TSGA10: variants seen among roughly 807,000 people sequenced by gnomAD.
TSGA10 encodes the protein testis-specific gene 10 protein.
TSGA10 carries 43 observed loss-of-function variants against 96.6 expected under a neutral mutation model. The ratio of observed to expected loss-of-function variants is 0.44; its 90% CI spans 0.35 to 0.57. The LOEUF (loss-of-function observed/expected upper bound fraction) is 0.57. TSGA10 is among the 20% of genes least tolerant of loss of function. TSGA10 has a pLI of 0.01. For missense variants in TSGA10, 703 were observed against 834.4 expected (o/e 0.84, Z 1.94); for synonymous variants, 229 against 269.9 (o/e 0.85, Z 1.48).
intron 20 of TSGA10, among the ~76,000 whole-genome samples, chr2:99,012,346 T>C (rs1351850999): frequency 6.6e-6 from 1 of 152,118 alleles, no homozygotes; most frequent in African/African-American, 2.4e-5. Context: ...ATACTAATGT[T>C]GAATGTAAAG....
chr2:99,146,667 C>T (rs144028490), intron 1 of TSGA10, among the ~76,000 whole-genome samples: 5 of 152,232 alleles, frequency 3.3e-5, no homozygotes, highest in African/African-American at 7.2e-5. Flanking sequence ...CTTGCTCTGT[C>T]GCCCAGGCTG....
At chr2:99,013,846 T>C (rs2079236954) in intron 20 of TSGA10, among the ~76,000 whole-genome samples, 1 of 149,708 alleles carries the variant, frequency 6.7e-6, no homozygotes, top group African/African-American at 2.5e-5. Flanking sequence ...TGAAACCCTG[T>C]CTCTACTAAA....
At chr2:99,040,457 C>G (rs538530294) in intron 16 of TSGA10, among the ~76,000 whole-genome samples, 24 of 152,226 alleles carry the variant, frequency 1.6e-4, no homozygotes, top group African/African-American at 4.8e-4. Context: ...TATACACCAA[C>G]AGTGACCAAG....
At chr2:99,100,776 T>A (rs984914236) in intron 10 of TSGA10, among the ~76,000 whole-genome samples, 7 of 133,164 alleles carry the variant, frequency 5.3e-5, no homozygotes, top group Non-Finnish European at 6.2e-5. Flanking sequence ...GCCGAGATTG[T>A]GCCACTGCAC....
chr2:99,154,635 T>C, intron 1 of TSGA10, 58 bp downstream of exon 1: 2 of 185,548 alleles, frequency 1.1e-5, no homozygotes, highest in Non-Finnish European at 2.3e-5. Context: ...TTCTGGGGGC[T>C]CCCCCTAAAC....
intron 17 of TSGA10, among the ~76,000 whole-genome samples, chr2:99,022,182 C>T (rs1446194001): frequency 1.3e-5 from 2 of 151,822 alleles, no homozygotes; most frequent in African/African-American, 4.8e-5. Flanking sequence ...AAAAACTTAG[C>T]CAGGCATGGT....
intron 17 of TSGA10, among the ~76,000 whole-genome samples, chr2:99,027,407 A>G (rs900445065): frequency 2.0e-5 from 3 of 152,178 alleles, no homozygotes; most frequent in Non-Finnish European, 4.4e-5. Flanking sequence ...GAGAAAGGGG[A>G]GATGTTGATC....
intron 14 of TSGA10, among the ~76,000 whole-genome samples, chr2:99,069,996 C>T (rs2085740594): frequency 6.6e-6 from 1 of 151,860 alleles, no homozygotes; most frequent in African/African-American, 2.4e-5. Flanking sequence ...TTTAAGTTTC[C>T]ACTTTCTCGT....
intron 1 of TSGA10, among the ~76,000 whole-genome samples, chr2:99,133,079 G>T (rs1259133594): frequency 2.6e-5 from 4 of 152,198 alleles, no homozygotes; most frequent in Non-Finnish European, 5.9e-5. Context: ...AGTTGGGGAA[G>T]AGAGTTCTGT....
At chr2:99,058,160 G>A (rs1001497331) in intron 16 of TSGA10, among the ~76,000 whole-genome samples, 2 of 152,152 alleles carry the variant, frequency 1.3e-5, no homozygotes, top group African/African-American at 4.8e-5. Context: ...AGGGTACAGT[G>A]ATTCTTTTCA....
chr2:99,063,843 T>C (rs1297164547), intron 16 of TSGA10, among the ~76,000 whole-genome samples: 1 of 151,704 alleles, frequency 6.6e-6, no homozygotes, highest in African/African-American at 2.4e-5. Flanking sequence ...AGCTATGCAA[T>C]AGAAAAATGG....
chr2:99,000,390 TCTCACCTACTCA>T, intron 20 of TSGA10, among the ~76,000 whole-genome samples: 1 of 150,678 alleles, frequency 6.6e-6, no homozygotes, highest in East Asian at 2.0e-4. Flanking sequence ...ACACCTGTAA[TCTCACCTACTCA>T]GGGAGGCTGA....
chr2:99,067,943 T>C (rs1387162583), intron 15 of TSGA10, among the ~76,000 whole-genome samples: 1 of 152,160 alleles, frequency 6.6e-6, no homozygotes, highest in Non-Finnish European at 1.5e-5. Context: ...TTTTAAATTA[T>C]CTCACTTACT....
At chr2:99,147,535 C>G in intron 1 of TSGA10, 1 of 1,547,274 alleles carries the variant, frequency 6.5e-7, no homozygotes, top group Non-Finnish European at 8.9e-7. Context: ...ATACTTGGTT[C>G]CTCCTCAGTC....
intron 16 of TSGA10, among the ~76,000 whole-genome samples, chr2:99,042,038 AC>A (rs1403526948): frequency 8.9e-6 from 1 of 112,266 alleles, no homozygotes; most frequent in African/African-American, 4.0e-5. Flanking sequence ...TTGCCCCCCC[AC>A]ATTTTTTTTT....
intron 20 of TSGA10, among the ~76,000 whole-genome samples, chr2:99,012,709 A>T (rs932564567): frequency 2.0e-5 from 3 of 152,180 alleles, no homozygotes; most frequent in African/African-American, 7.2e-5. Context: ...AGGAAATGAG[A>T]TGCACAGCAA....
chr2:99,076,861 G>GTCATTCAA (rs2086755073), intron 12 of TSGA10, among the ~76,000 whole-genome samples: 1 of 151,700 alleles, frequency 6.6e-6, no homozygotes, highest in Non-Finnish European at 1.5e-5. Flanking sequence ...TAGTCATTCA[G>GTCATTCAA]TGACTACTAT....
chr2:99,120,420 C>T (rs2092509583), intron 2 of TSGA10, among the ~76,000 whole-genome samples: 1 of 151,806 alleles, frequency 6.6e-6, no homozygotes, highest in African/African-American at 2.4e-5. Context: ...GGGAATTTAC[C>T]ATATTTTCTT....
chr2:98,999,154 C>T (rs942370630), intron 20 of TSGA10, among the ~76,000 whole-genome samples: 2 of 152,012 alleles, frequency 1.3e-5, no homozygotes, highest in Non-Finnish European at 2.9e-5. Context: ...CCTCAGCCTC[C>T]TAAAGTTCTG....
Sources: gnomAD v4.1 joint callset for allele counts (sites outside exome capture counted in the v4.1 genomes callset) on GRCh38, gnomAD v4.1.1 for gene constraint, MANE v1.5 for transcripts, NCBI Gene and HGNC (gene_info 2026-07-23, HGNC 2026-07-21) for gene names.